The following ROBO1 variants were observed in gnomAD, a reference collection of about 807,000 sequenced individuals.
ROBO1 encodes the protein roundabout guidance receptor 1.
A neutral mutation model predicts 195.9 loss-of-function variants in ROBO1; 149 were observed. That is an observed-to-expected ratio of 0.76 (90% CI 0.67 to 0.87). The LOEUF is 0.87. ROBO1 is among the 40% of genes least tolerant of loss of function. The pLI is 0.00. For missense variants in ROBO1, 1,933 were observed against 2,068.3 expected (o/e 0.93, Z 1.27); for synonymous variants, 816 against 733.2 (o/e 1.11, Z -1.82).
chr3:79,468,304 G>A (rs555775215), intron 2 of ROBO1, among the ~76,000 whole-genome samples: 1 of 152,156 alleles, frequency 6.6e-6, no homozygotes, highest in South Asian at 2.1e-4. Context: ...ATTACTGCTT[G>A]GTTAATCTTT....
intron 3 of ROBO1, among the ~76,000 whole-genome samples, chr3:79,085,964 TTC>T (rs1157767249): frequency 3.3e-5 from 5 of 152,296 alleles, no homozygotes; most frequent in South Asian, 2.1e-4. Flanking sequence ...CCTTAATAAC[TTC>T]TCTGTTTGTT....
intron 2 of ROBO1, among the ~76,000 whole-genome samples, chr3:79,251,260 G>T (rs2082723921): frequency 6.6e-6 from 1 of 152,118 alleles, no homozygotes; most frequent in Admixed American, 6.6e-5. Flanking sequence ...TCAGAGGGGA[G>T]GGATAGAGAA....
chr3:79,556,919 TTTTAC>T (rs1942721141), intron 2 of ROBO1, among the ~76,000 whole-genome samples: 1 of 151,338 alleles, frequency 6.6e-6, no homozygotes, highest in Non-Finnish European at 1.5e-5. Flanking sequence ...AATAAAAATT[TTTTAC>T]TTTATTTTTA....
intron 4 of ROBO1, among the ~76,000 whole-genome samples, chr3:78,901,074 A>G (rs982679304): frequency 6.6e-6 from 1 of 152,194 alleles, no homozygotes; most frequent in Non-Finnish European, 1.5e-5. Flanking sequence ...TTGCATCCAC[A>G]TGAGCAATGT....
At chr3:79,748,983 AG>A (rs1704001449) in intron 1 of ROBO1, among the ~76,000 whole-genome samples, 1 of 152,196 alleles carries the variant, frequency 6.6e-6, no homozygotes, top group South Asian at 2.1e-4. Flanking sequence ...TGGCTTTGCA[AG>A]TTGGAAACAG....
At chr3:78,993,645 C>CA (rs1559568419) in intron 3 of ROBO1, among the ~76,000 whole-genome samples, 1 of 152,154 alleles carries the variant, frequency 6.6e-6, no homozygotes, top group African/African-American at 2.4e-5. Flanking sequence ...ACCTTTACAA[C>CA]GTGAATCACA....
chr3:79,534,244 G>A (rs1941771202), intron 2 of ROBO1, among the ~76,000 whole-genome samples: 1 of 150,920 alleles, frequency 6.6e-6, no homozygotes, highest in South Asian at 2.1e-4. Context: ...TTGGCCTGTC[G>A]AGAGTTATTT....
intron 3 of ROBO1, among the ~76,000 whole-genome samples, chr3:79,040,852 G>C (rs534030565): frequency 9.2e-5 from 14 of 151,812 alleles, no homozygotes; most frequent in Non-Finnish European, 1.8e-4. Flanking sequence ...ACTTCAATAT[G>C]TCATAACTGC....
chr3:79,558,288 C>T (rs1942785429), intron 2 of ROBO1, among the ~76,000 whole-genome samples: 1 of 152,122 alleles, frequency 6.6e-6, no homozygotes, highest in South Asian at 2.1e-4. Flanking sequence ...TCAGTCTACT[C>T]AACGTAAAGA....
intron 3 of ROBO1, among the ~76,000 whole-genome samples, chr3:79,109,994 G>A (rs976204327): frequency 2.0e-5 from 3 of 152,076 alleles, no homozygotes; most frequent in African/African-American, 7.2e-5. Context: ...TACTGCAGAT[G>A]ACCCCTACAT....
chr3:79,262,321 C>A (rs2082954395), intron 2 of ROBO1, among the ~76,000 whole-genome samples: 1 of 152,002 alleles, frequency 6.6e-6, no homozygotes, highest in Admixed American at 6.6e-5. Context: ...TCTCTCCAAG[C>A]CCACCTAATC....
intron 2 of ROBO1, among the ~76,000 whole-genome samples, chr3:79,556,451 C>G (rs1942701826): frequency 6.6e-6 from 1 of 152,050 alleles, no homozygotes; most frequent in Non-Finnish European, 1.5e-5. Flanking sequence ...AGGACTCACA[C>G]TTGAGTCTCC....
At chr3:79,612,477 C>T (rs1944691608) in intron 1 of ROBO1, among the ~76,000 whole-genome samples, 1 of 151,986 alleles carries the variant, frequency 6.6e-6, no homozygotes, top group Non-Finnish European at 1.5e-5. Flanking sequence ...GTGACTAATG[C>T]TGCAATAAAC....
chr3:79,462,866 A>G (rs1287229847), intron 2 of ROBO1, among the ~76,000 whole-genome samples: 2 of 152,228 alleles, frequency 1.3e-5, no homozygotes, highest in Non-Finnish European at 1.5e-5. Flanking sequence ...TTGAAATAGA[A>G]ATCAATGTTA....
At chr3:79,188,550 A>G (rs775302133) in intron 2 of ROBO1, among the ~76,000 whole-genome samples, 71 of 151,108 alleles carry the variant, frequency 4.7e-4, no homozygotes, top group Non-Finnish European at 8.9e-4. Flanking sequence ...TTGCACACGC[A>G]CACACACACA....
intron 2 of ROBO1, among the ~76,000 whole-genome samples, chr3:79,135,783 A>T (rs1192064540): frequency 6.6e-6 from 1 of 152,002 alleles, no homozygotes; most frequent in African/African-American, 2.4e-5. Context: ...GACTGCAGGC[A>T]TGTGGCACCA....
At chr3:78,762,748 A>C (rs2083138153) in intron 4 of ROBO1, among the ~76,000 whole-genome samples, 1 of 152,228 alleles carries the variant, frequency 6.6e-6, no homozygotes, top group East Asian at 1.9e-4. Flanking sequence ...ATAACATATT[A>C]AGGATTACTT....
intron 2 of ROBO1, among the ~76,000 whole-genome samples, chr3:79,388,850 C>T (rs1418096793): frequency 6.6e-6 from 1 of 152,006 alleles, no homozygotes; most frequent in East Asian, 1.9e-4. Flanking sequence ...AACAACAATC[C>T]CCAAACCTCA....
chr3:79,123,448 G>A (rs1254103315), intron 3 of ROBO1, among the ~76,000 whole-genome samples: 1 of 151,952 alleles, frequency 6.6e-6, no homozygotes, highest in Non-Finnish European at 1.5e-5. Flanking sequence ...TTGTCATGAT[G>A]CAGTCAACAT....
Sources: gnomAD v4.1 joint callset for allele counts (sites outside exome capture counted in the v4.1 genomes callset) on GRCh38, gnomAD v4.1.1 for gene constraint, MANE v1.5 for transcripts, NCBI Gene and HGNC (gene_info 2026-07-23, HGNC 2026-07-21) for gene names.